FAM234A: variants seen among roughly 807,000 people sequenced by gnomAD.
FAM234A encodes the protein protein FAM234A.
FAM234A carries 42 observed loss-of-function variants against 49.1 expected under a neutral mutation model. The observed-to-expected ratio is 0.86, with a 90% CI of 0.67 to 1.11. FAM234A has a LOEUF of 1.11. Among genes scored for constraint, FAM234A ranks in the 50% least tolerant of loss-of-function variants. The pLI is 0.00. For missense variants in FAM234A, 815 were observed against 745.2 expected (o/e 1.09, Z -1.09); for synonymous variants, 369 against 316.2 (o/e 1.17, Z -1.77).
intron 2 of FAM234A, among the ~76,000 whole-genome samples, chr16:251,601 C>G (rs540817746): frequency 2.0e-5 from 3 of 151,028 alleles, no homozygotes; most frequent in Non-Finnish European, 4.4e-5. Context: ...TGTTCTCAAA[C>G]TCCTGAGGTC....
At position 264,626 on chromosome 16, in the gene FAM234A, G is replaced by C. The variant is rs1288282126; in HGVS notation, c.1357G>C (p.Ala453Pro). 9 of 1,610,178 alleles carry C rather than the reference G, an allele frequency of 5.6e-6. No homozygotes were observed. Among genetic ancestry groups the C allele is most frequent in the Non-Finnish European group, 7.6e-6 (9 of 1,179,398 alleles). ...GSTSETETGE[A>P]RHSLYMFHPT... Reference sequence around the variant, plus strand: ...GTTCTCGCTCCAGGAGACCGGGGAGGCCCGGCACAGCCTGTACATGTTCCA... The same window carrying C: ...GTTCTCGCTCCAGGAGACCGGGGAGCCCCGGCACAGCCTGTACATGTTCCA... The change falls in exon 12 of 13, where the codon GCC (alanine) becomes CCC (proline). Residue 453 changes from alanine to proline, a missense_variant. Physicochemically the swap from Ala to Pro is conservative, Grantham distance 27. Coordinates refer to ENST00000399932, the MANE Select transcript of FAM234A (RefSeq NM_032039.4).
chr16:262,637 G>A (rs975801298), intron 8 of FAM234A, 84 bp downstream of exon 8: 4 of 1,402,208 alleles, frequency 2.9e-6, no homozygotes, highest in Admixed American at 2.6e-5. Flanking sequence ...GACAATCTGT[G>A]TGGAGCCCAG....
downstream of FAM234A, among the ~76,000 whole-genome samples, chr16:267,088 C>T (rs1022840778): frequency 6.6e-6 from 1 of 152,148 alleles, no homozygotes; most frequent in South Asian, 2.1e-4. Flanking sequence ...CACCCCCAGA[C>T]TGTGAAGAAG....
In FAM234A at chr16:263,765, C is replaced by T; in HGVS notation, c.1178C>T (p.Thr393Ile). 6.2e-7 allele frequency: 1 copy of T among 1,613,158 alleles called. No homozygotes were observed. The highest frequency in any genetic ancestry group is 8.5e-7 in the Non-Finnish European group (1 of 1,179,124). The change falls in exon 10 of 13, where the codon ACC becomes ATC. Residue 393 changes from threonine to isoleucine, a missense_variant. By Grantham distance (89) the Thr-to-Ile change is moderately conservative. Coordinates refer to ENST00000399932, the MANE Select transcript of FAM234A (RefSeq NM_032039.4). ...LAVAVENGTG[T>I]DRQILFLDLG... ...GTAGCCGTTGAAAACGGAACTGGCA[C>T]CGACAGACAGGTTCGTTGTTCTTCC...
intron 1 of FAM234A, among the ~76,000 whole-genome samples, chr16:238,623 A>G (rs554697460): frequency 3.5e-4 from 53 of 151,392 alleles, no homozygotes; most frequent in Non-Finnish European, 4.7e-4. Flanking sequence ...AAAATTAGCC[A>G]GGCGTGGTGA....
chr16:259,582 G>T lies in FAM234A; in HGVS notation c.368G>T (p.Arg123Leu). ...KNTNSSNNFS[R>L]SCVDEGFSSP... ...ACCAACAGCAGCAACAATTTCAGCCGATCCTGTGTGGACGAAGGTAATTTC... is the reference window on the plus strand; with the variant it reads ...ACCAACAGCAGCAACAATTTCAGCCTATCCTGTGTGGACGAAGGTAATTTC... The change falls in exon 4 of 13, where the codon CGA becomes CTA. Residue 123 changes from arginine to leucine, a missense_variant. Coordinates refer to ENST00000399932, the MANE Select transcript of FAM234A (RefSeq NM_032039.4). The T allele has an allele frequency of 2.5e-6, 4 of 1,600,654 alleles. No homozygotes were observed. Among genetic ancestry groups the T allele is most frequent in the Non-Finnish European group, 3.4e-6 (4 of 1,167,806 alleles).
At chr16:259,701 G>C in intron 4 of FAM234A, 102 bp downstream of exon 4, 1 of 805,196 alleles carries the variant, frequency 1.2e-6, no homozygotes, top group Non-Finnish European at 2.1e-6. Context: ...AGCAGATGGT[G>C]GTGTTTCTGG....
chr16:250,630 A>C (rs1479346536), intron 2 of FAM234A, among the ~76,000 whole-genome samples: 1 of 152,106 alleles, frequency 6.6e-6, no homozygotes, highest in East Asian at 1.9e-4. Flanking sequence ...TGCCATTAGT[A>C]ACATTTGGTA....
At chr16:235,774 T>TATAG (rs983478919) in intron 1 of FAM234A, among the ~76,000 whole-genome samples, 3 of 152,184 alleles carry the variant, frequency 2.0e-5, no homozygotes, top group Non-Finnish European at 2.9e-5. Flanking sequence ...GAGCTAAGGA[T>TATAG]ATAGTACTCC....
rs369547212 is a variant in FAM234A, at chr16:235,073, T to C, written c.-140+216T>C. Among the ~76,000 whole-genome samples the C allele has an allele frequency of 3.9e-5, 6 of 152,326 alleles. No individual in the cohort carries two copies. The East Asian group carries it at 5.8e-4, about 15-fold the overall frequency. On this transcript the variant is annotated intron_variant, in intron 1 of 12. Transcript: ENST00000399932. ...CCCTCAGCGGGTCGGCAGCAGCGCC[T>C]CTGGAGGCTGATTCTTTCGGGTTTC...
intron 1 of FAM234A, among the ~76,000 whole-genome samples, chr16:249,330 C>G (rs771118088): frequency 2.0e-5 from 3 of 151,968 alleles, no homozygotes; most frequent in Non-Finnish European, 4.4e-5. Context: ...ACCCTGGAAT[C>G]AGCTGGAGAG....
rs747740921 is a variant in FAM234A, at chr16:259,921, G to A, written c.386-48G>A. On this transcript the variant is annotated intron_variant, in intron 4 of 12. Coordinates refer to ENST00000399932, the MANE Select transcript of FAM234A (RefSeq NM_032039.4). ...AGCACATGCTGGGGCTGGCCGGCCT[G>A]CCTGCCCAGATGGTGCAACAGTGAG... The A allele has an allele frequency of 7.1e-6, 11 of 1,559,410 alleles. No individual in the cohort carries two copies. In the South Asian group the frequency reaches 1.1e-4, roughly 16 times the overall value.
chr16:264,817 T>C lies in FAM234A; in HGVS notation c.1454T>C (p.Leu485Pro). 1 of 1,609,666 alleles carries C rather than the reference T, an allele frequency of 6.2e-7. No homozygotes were observed. Among genetic ancestry groups the C allele is most frequent in the South Asian group, 1.1e-5 (1 of 90,960 alleles). Residue 485 changes from leucine (L) to proline (P), a missense_variant, in exon 13 of 13, where the codon CTG (leucine) becomes CCG (proline). Transcript: ENST00000399932. ...TGTGTCCCCCACCCTGCAGCCGTCCTGTTTGAGCCAAGCCGCCACGCCGCC... is the reference window on the plus strand; with the variant it reads ...TGTGTCCCCCACCCTGCAGCCGTCCCGTTTGAGCCAAGCCGCCACGCCGCC... ...STHIVAFDAV[L>P]FEPSRHAAYI...
At chr16:261,790 A>G (rs2051477032) in intron 6 of FAM234A, among the ~76,000 whole-genome samples, 1 of 152,140 alleles carries the variant, frequency 6.6e-6, no homozygotes, top group Non-Finnish European at 1.5e-5. Flanking sequence ...GAGGGCTGGG[A>G]GCACCTGTGA....
chr16:269,228 G>A (rs376750878), downstream of FAM234A: 160 of 1,388,974 alleles, frequency 1.2e-4, no homozygotes, highest in African/African-American at 1.2e-3. Context: ...CACGCAGGAC[G>A]TTGAGCTGCA....
At position 263,754 on chromosome 16, in the gene FAM234A, C is replaced by T. The variant is rs563568001; in HGVS notation, c.1167C>T (p.Asn389=). ...ACACCTTGGCTGTAGCCGTTGAAAACGGAACTGGCACCGACAGACAGGTTC... is the reference window on the plus strand; with the variant it reads ...ACACCTTGGCTGTAGCCGTTGAAAATGGAACTGGCACCGACAGACAGGTTC... ...KPDTLAVAVE[N]GTGTDRQILF... The change falls in exon 10 of 13, where the codon AAC becomes AAT. Residue 389 remains asparagine, a synonymous_variant. Coordinates refer to ENST00000399932, the MANE Select transcript of FAM234A (RefSeq NM_032039.4). 5.0e-6 allele frequency: 8 copies of T among 1,613,766 alleles called. No individual in the cohort carries two copies. Among genetic ancestry groups the T allele is most frequent in the South Asian group, 2.2e-5 (2 of 91,090 alleles).
intron 1 of FAM234A, among the ~76,000 whole-genome samples, chr16:244,649 G>T (rs940366121): frequency 6.7e-6 from 1 of 149,456 alleles, no homozygotes; most frequent in African/African-American, 2.5e-5. Flanking sequence ...CACAGGGCTG[G>T]ACCCTGAAGT....
At chr16:262,278 C>T (rs1450224456) in intron 7 of FAM234A, 53 bp downstream of exon 7, 93 of 1,600,394 alleles carry the variant, frequency 5.8e-5, no homozygotes, top group Non-Finnish European at 7.3e-5. Context: ...AGCATGACTG[C>T]CCTGCGGCTC....
intron 3 of FAM234A, 28 bp from the exon 4 acceptor site, chr16:259,455 G>T (rs777959989): frequency 7.7e-7 from 1 of 1,294,102 alleles, no homozygotes; most frequent in Non-Finnish European, 1.1e-6. Flanking sequence ...ATGGCCCGCG[G>T]AGTATAGTCT....
Sources: allele counts gnomAD v4.1 joint callset (sites outside exome capture counted in the v4.1 genomes callset), GRCh38; gene constraint gnomAD v4.1.1; transcripts MANE v1.5; gene names NCBI Gene and HGNC (gene_info 2026-07-23, HGNC 2026-07-21).